Variants in RXFP2 observed in about 807,000 individuals in gnomAD.
The protein encoded by RXFP2 is relaxin family peptide receptor 2.
A neutral mutation model predicts 88.6 loss-of-function variants in RXFP2; 68 were observed. The observed-to-expected ratio is 0.77, with a 90% CI of 0.63 to 0.94. The LOEUF (loss-of-function observed/expected upper bound fraction) is 0.94, where lower values mean the gene tolerates loss of function less well. RXFP2 is among the 40% of genes least tolerant of loss of function. RXFP2 has a pLI of 0.00. For missense variants in RXFP2, 791 were observed against 893.9 expected, an observed-to-expected ratio of 0.88 and a Z score of 1.47; for synonymous variants, 329 against 306.8, an observed-to-expected ratio of 1.07 and a Z score of -0.76.
chr13:31,740,855 A>G (rs1391846767), intron 1 of RXFP2, among the ~76,000 whole-genome samples: 1 of 152,054 alleles, frequency 6.6e-6, no homozygotes, highest in Non-Finnish European at 1.5e-5. Flanking sequence ...CATGCAGTAC[A>G]GTTGCAACAA....
chr13:31,751,708 A>G (rs970200756), intron 1 of RXFP2, among the ~76,000 whole-genome samples: 1 of 152,226 alleles, frequency 6.6e-6, no homozygotes, highest in African/African-American at 2.4e-5. Context: ...AGGTGAAGGG[A>G]CCAAGGTACC....
intron 2 of RXFP2, among the ~76,000 whole-genome samples, chr13:31,759,538 G>C (rs187496571): frequency 6.6e-6 from 1 of 152,180 alleles, no homozygotes; most frequent in Admixed American, 6.5e-5. Flanking sequence ...TGATGTGTTT[G>C]ATGGTGTGTG....
At position 31,765,918 on chromosome 13, in the gene RXFP2, A is replaced by T. The variant is rs748090139; in HGVS notation, c.426-38A>T. 5.3e-5 allele frequency: 55 copies of T among 1,029,926 alleles called. No homozygotes were observed. In the South Asian group the frequency reaches 7.3e-4, roughly 14 times the overall value. The allele number at this position is 1,029,926 out of a possible 1,614,324, so 63.8% of individuals were successfully genotyped here. On this transcript the variant is annotated intron_variant, in intron 4 of 17. Transcript: ENST00000298386. The stretch of plus-strand genomic sequence containing the variant: ...TCTAGGGAAGAGTGGGTTGGCCATA[A>T]CAATCCATAATGAAGTTTGCTTTAC...
intron 1 of RXFP2, among the ~76,000 whole-genome samples, chr13:31,742,573 G>T (rs1871261316): frequency 6.6e-6 from 1 of 152,108 alleles, no homozygotes; most frequent in African/African-American, 2.4e-5. Flanking sequence ...CTCTGAAGAC[G>T]CCAGCTAAAT....
At chr13:31,780,533 G>A (rs917527608) in intron 9 of RXFP2, among the ~76,000 whole-genome samples, 2 of 152,152 alleles carry the variant, frequency 1.3e-5, no homozygotes, top group East Asian at 3.9e-4. Flanking sequence ...TTTTAAAATA[G>A]GATTTTCTTA....
At chr13:31,795,892 A>G (rs1208208084) in intron 16 of RXFP2, among the ~76,000 whole-genome samples, 1 of 152,114 alleles carries the variant, frequency 6.6e-6, no homozygotes, top group East Asian at 1.9e-4. Context: ...TTTGGGCCCA[A>G]AAGAATAATT....
chr13:31,763,626 G>A (rs1187881134), intron 3 of RXFP2, among the ~76,000 whole-genome samples: 1 of 152,210 alleles, frequency 6.6e-6, no homozygotes, highest in Non-Finnish European at 1.5e-5. Context: ...TTGAGGTAGA[G>A]AGAGATGCAA....
Position 31,761,709 on chromosome 13 carries a change from A to T in RXFP2, c.242-15A>T. ...TTTCTAGAATAAGTGACACATCTCA[A>T]TCACTATTTCACAGGTGACACTAGT... On this transcript the variant is annotated splice_polypyrimidine_tract_variant and intron_variant, in intron 2 of 17. Transcript: ENST00000298386. 2 of 1,574,644 alleles carry T rather than the reference A, an allele frequency of 1.3e-6. No individual in the cohort carries two copies. Among genetic ancestry groups the T allele is most frequent in the Non-Finnish European group, 1.7e-6 (2 of 1,144,152 alleles).
intron 13 of RXFP2, 32 bp from the exon 14 acceptor site, chr13:31,789,090 A>C: frequency 7.3e-7 from 1 of 1,368,096 alleles, no homozygotes; most frequent in South Asian, 1.2e-5. Flanking sequence ...TTTCATCTCA[A>C]CACCATTAAA....
rs71941366 is a variant in RXFP2, at chr13:31,786,554, T to TA, written c.1002-2dup. 0.17 allele frequency: 244,123 copies of TA among 1,436,074 alleles called. 3,735 individuals are homozygous for TA. Among genetic ancestry groups the TA allele is most frequent in the East Asian group, 0.19 (8,180 of 42,906 alleles). The allele number at this position is 1,436,074 out of a possible 1,614,324, so 89.0% of individuals were successfully genotyped here. On this transcript the variant is annotated splice_polypyrimidine_tract_variant and intron_variant, in intron 12 of 17. Transcript: ENST00000298386. ...CTTCTTTTCCTCTCTCATCTAATGG[T>TA]AAAAAAAAAAGGAACCTGTCATCCA...
chr13:31,787,464 C>T (rs982268967), intron 13 of RXFP2, among the ~76,000 whole-genome samples: 1 of 152,206 alleles, frequency 6.6e-6, no homozygotes, highest in African/African-American at 2.4e-5. Flanking sequence ...AATATAAGGA[C>T]AGACCTGAGG....
intron 11 of RXFP2, 111 bp downstream of exon 11, chr13:31,782,858 T>C (rs973245975): frequency 3.9e-5 from 28 of 711,786 alleles, no homozygotes; most frequent in Admixed American, 8.6e-5. Flanking sequence ...CTGTAGACTA[T>C]TGGATATTAA....
In RXFP2 at chr13:31,758,277, T is replaced by C. The variant is rs1157266769; in HGVS notation, c.114T>C (p.Gly38=). 3 of 1,614,104 alleles carry C rather than the reference T, an allele frequency of 1.9e-6. No individual in the cohort carries two copies. The East Asian group carries it at 6.7e-5, about 36-fold the overall frequency. Residue 38 remains glycine (G), a synonymous_variant, in exon 2 of 18, where the codon GGT becomes GGC. Transcript: ENST00000298386. The part of the protein sequence containing the change: ...INVKDFALTQ[G]SMITPSCQKG... ...ATGTAGATTTTGCACTGACTCAAGG[T>C]AGCATGATCACTCCTTCATGCCAAA...
At chr13:31,751,917 G>T (rs535930647) in intron 1 of RXFP2, among the ~76,000 whole-genome samples, 1 of 152,136 alleles carries the variant, frequency 6.6e-6, no homozygotes, top group Non-Finnish European at 1.5e-5. Context: ...CATACTGAAA[G>T]GTAAGATTTT....
intron 5 of RXFP2, among the ~76,000 whole-genome samples, chr13:31,772,326 C>A (rs748444327): frequency 3.9e-5 from 6 of 152,164 alleles, no homozygotes; most frequent in Non-Finnish European, 8.8e-5. Flanking sequence ...TACAAAATGG[C>A]ACATTCAAAA....
At chr13:31,789,704 T>C (rs994178669) in intron 14 of RXFP2, among the ~76,000 whole-genome samples, 1 of 152,264 alleles carries the variant, frequency 6.6e-6, no homozygotes, top group South Asian at 2.1e-4. Context: ...TGTGTTAATA[T>C]ATGTGTTCAT....
intron 11 of RXFP2, 27 bp downstream of exon 11, chr13:31,782,774 T>C: frequency 1.5e-6 from 2 of 1,351,712 alleles, no homozygotes; most frequent in Non-Finnish European, 2.1e-6. Flanking sequence ...ACTAGGAAAA[T>C]ATGATTGCTT....
intron 17 of RXFP2, among the ~76,000 whole-genome samples, chr13:31,800,558 T>C (rs9566513): frequency 0.58 from 88,115 of 151,990 alleles, 25,723 homozygotes; most frequent in East Asian, 0.77. Flanking sequence ...GGCGACAGAG[T>C]GAGACTCCAT....
rs914706087 is a variant in RXFP2 at position 31,795,684 on chromosome 13, A to G, written c.1787-1517A>G. Reference sequence around the variant, plus strand: ...TGAATTTAAAGTATTTTTACCCTAGACTTCACCAATCTTACATACAGTCTA... The same window carrying G: ...TGAATTTAAAGTATTTTTACCCTAGGCTTCACCAATCTTACATACAGTCTA... On this transcript the variant is annotated intron_variant, in intron 16 of 17. Transcript: ENST00000298386. 2.6e-5 allele frequency among the ~76,000 whole-genome samples: 4 copies of G among 152,316 alleles called. No homozygotes were observed. The East Asian group carries it at 5.8e-4, about 22-fold the overall frequency.
Sources: gnomAD v4.1 joint callset for allele counts (sites outside exome capture counted in the v4.1 genomes callset) on GRCh38, gnomAD v4.1.1 for gene constraint, MANE v1.5 for transcripts, NCBI Gene and HGNC (gene_info 2026-07-23, HGNC 2026-07-21) for gene names.